LTBP4: variants seen among roughly 807,000 people sequenced by gnomAD.
LTBP4 encodes latent transforming growth factor beta binding protein 4.
Under a neutral mutation model 180.2 loss-of-function variants are expected in LTBP4, and 93 were observed. The observed-to-expected ratio is 0.52, with a 90% CI of 0.44 to 0.61. The LOEUF (loss-of-function observed/expected upper bound fraction) is 0.61, where lower values mean the gene tolerates loss of function less well. Ranked by LOEUF, LTBP4 falls within the 20% of genes least tolerant of loss-of-function variation. The pLI is 0.00. For synonymous variants in LTBP4, 947 were observed against 934.5 expected (o/e 1.01, Z -0.24); for missense variants, 2,116 against 2,256.5 (o/e 0.94, Z 1.26).
intron 1 of LTBP4, among the ~76,000 whole-genome samples, chr19:40,595,763 C>T (rs1227360242): frequency 1.3e-5 from 2 of 152,004 alleles, no homozygotes; most frequent in African/African-American, 2.4e-5. Context: ...CTCTATCGTC[C>T]AGGCTGGAGT....
chr19:40,629,182 A>G lies in LTBP4; in HGVS notation c.4520-214A>G, dbSNP rs113173674. On this transcript the variant is annotated intron_variant, in intron 29 of 29. Coordinates refer to ENST00000396819, the MANE Select transcript of LTBP4 (RefSeq NM_001042545.2). This position sits in a 1 kb window ranked among gnomAD's most constrained non-coding sequence, Gnocchi z 4.5. ...TTTCTTAACAAAATCCTAGTGCGGT[A>G]TGGGCCACCATATCCATCTTACAGA... 0.013 allele frequency among the ~76,000 whole-genome samples: 2,039 copies of G among 152,240 alleles called. 44 individuals carry two copies. Among genetic ancestry groups the G allele is most frequent in the African/African-American group, 0.047 (1,957 of 41,522 alleles).
rs1332576063 is a variant in LTBP4 at position 40,609,231 on chromosome 19, C to T, written c.1427-299C>T. ...ATGGTAGATAATTATTTTTCATTATCTAATATTAGATAATTATTTCTCAGG... is the reference window on the plus strand; with the variant it reads ...ATGGTAGATAATTATTTTTCATTATTTAATATTAGATAATTATTTCTCAGG... On this transcript the variant is annotated intron_variant, in intron 9 of 29. Transcript: ENST00000396819. This position sits in a 1 kb window ranked among gnomAD's most constrained non-coding sequence, Gnocchi z 4.9. Among the ~76,000 whole-genome samples the T allele has an allele frequency of 1.3e-5, 2 of 152,074 alleles. No homozygotes were observed. Among genetic ancestry groups the T allele is most frequent in the East Asian group, 1.9e-4 (1 of 5,192 alleles).
In LTBP4 at chr19:40,610,611, G is replaced by A; in HGVS notation, c.1764G>A (p.Val588=). The change falls in exon 12 of 30, where the codon GTG becomes GTA. Residue 588 remains valine, a synonymous_variant. Coordinates refer to ENST00000396819, the MANE Select transcript of LTBP4 (RefSeq NM_001042545.2). ...CENTPGSFLC[V]CPAGYQAAPH... ...ACACGCCAGGCAGCTTCCTGTGCGT[G>A]TGCCCCGCCGGGTACCAGGCTGCAC... is the stretch of plus-strand genomic sequence containing the variant. 1.3e-6 allele frequency: 2 copies of A among 1,588,348 alleles called. No individual in the cohort carries two copies. The highest frequency in any genetic ancestry group is 1.1e-5 in the South Asian group (1 of 88,748).
chr19:40,597,489 G>A (rs80275946), upstream of LTBP4: 202 of 1,236,170 alleles, frequency 1.6e-4, no homozygotes, highest in East Asian at 4.6e-3. Context: ...TCGATGTGGA[G>A]ATGCAAAGAG....
chr19:40,601,500 C>T lies in LTBP4; in HGVS notation c.113C>T (p.Pro38Leu). Reference sequence around the variant, plus strand: ...GAGCGTCTCCGCGTGCGCTTCACCCCGGTCGTGTGCGGCCTGCGCTGCGTC... The same window carrying T: ...GAGCGTCTCCGCGTGCGCTTCACCCTGGTCGTGTGCGGCCTGCGCTGCGTC... The part of the protein sequence containing the change: ...LGERLRVRFT[P>L]VVCGLRCVHG... The change falls in exon 1 of 30, where the codon CCG becomes CTG. Residue 38 changes from proline (P) to leucine (L), a missense_variant. Pro to Leu is a moderately conservative substitution (Grantham distance 98, BLOSUM62 -3). This residue lies in a region of LTBP4 where 469 missense variants were observed against 532.5 expected (regional missense o/e 0.88). Coordinates refer to ENST00000396819, the MANE Select transcript of LTBP4 (RefSeq NM_001042545.2). 6.7e-7 allele frequency: 1 copy of T among 1,497,628 alleles called. No homozygotes were observed. The highest frequency in any genetic ancestry group is 1.3e-5 in the South Asian group (1 of 79,956). The allele number at this position is 1,497,628 out of a possible 1,614,324, so 92.8% of individuals were successfully genotyped here.
upstream of LTBP4, chr19:40,601,255 C>T (rs1453361724): frequency 5.7e-6 from 4 of 706,858 alleles, no homozygotes; most frequent in South Asian, 2.6e-4. Flanking sequence ...GCGCGGCCGC[C>T]GGGGAGGGAG....
intron 1 of LTBP4, among the ~76,000 whole-genome samples, chr19:40,602,743 G>T (rs1165499117): frequency 2.0e-5 from 3 of 152,190 alleles, no homozygotes; most frequent in Non-Finnish European, 4.4e-5. Context: ...GCTTGGCCAG[G>T]GCTGTGGGGC....
At chr19:40,608,173 T>A in intron 7 of LTBP4, 47 bp from the exon 8 acceptor site, 3 of 1,610,682 alleles carry the variant, frequency 1.9e-6, no homozygotes, top group Non-Finnish European at 1.7e-6. Flanking sequence ...GCCATCGTTT[T>A]CTTCCCGCTC....
rs925147187 is a variant in LTBP4, at chr19:40,609,938, C to A, written c.1684+67C>A. On this transcript the variant is annotated intron_variant, in intron 11 of 29. Coordinates refer to ENST00000396819, the MANE Select transcript of LTBP4 (RefSeq NM_001042545.2). This position sits in a 1 kb window ranked among gnomAD's most constrained non-coding sequence, Gnocchi z 4.9. ...TCTCGCTCCTGCTCTCACTCCAGAG[C>A]CTCTCCAGCCCTCCCACGCTTCCCC... is the stretch of plus-strand genomic sequence containing the variant. 3.1e-5 allele frequency: 45 copies of A among 1,450,466 alleles called. No homozygotes were observed. The Admixed American group carries it at 1.1e-3, about 36-fold the overall frequency. The allele number at this position is 1,450,466 out of a possible 1,614,324, so 89.8% of individuals were successfully genotyped here.
intron 6 of LTBP4, among the ~76,000 whole-genome samples, chr19:40,606,904 T>A (rs1202509703): frequency 6.6e-6 from 1 of 152,174 alleles, no homozygotes; most frequent in East Asian, 1.9e-4. Context: ...GGCACCACCA[T>A]GCCCGGCTAA....
In LTBP4 at chr19:40,622,478, C is replaced by A. The variant is rs371892335; in HGVS notation, c.3295C>A (p.Arg1099Ser). 1 of 1,609,000 alleles carries A rather than the reference C, an allele frequency of 6.2e-7. No homozygotes were observed. The highest frequency in any genetic ancestry group is 1.1e-5 in the South Asian group (1 of 90,616). Residue 1099 changes from arginine to serine, a missense_variant, in exon 23 of 30, where the codon CGC (arginine) becomes AGC (serine). Arg to Ser is a moderately radical substitution (Grantham distance 110, BLOSUM62 -1). Transcript: ENST00000396819. This position sits in a 1 kb window ranked among gnomAD's most constrained non-coding sequence, Gnocchi z 5.1. ...CAGGCCACCTCCGCCACCCCTGCCC[C>A]GCCGACCCAGCACACCTAGGCAGGG... ...PARPPPPPLP[R>S]RPSTPRQGPV...
In LTBP4 at chr19:40,608,310, C is replaced by A; in HGVS notation, c.1247C>A (p.Pro416Gln). Reference protein sequence around the residue: ...RYNTRPLGQEPPRVSLSQPRT... With the variant: ...RYNTRPLGQEQPRVSLSQPRT... ...AACACCAGACCCCTGGGCCAGGAGC[C>A]ACCCCGAGTGTCACTCAGCCAGCCT... Residue 416 changes from proline (P) to glutamine (Q), a missense_variant, in exon 8 of 30, where the codon CCA becomes CAA. Coordinates refer to ENST00000396819, the MANE Select transcript of LTBP4 (RefSeq NM_001042545.2). 4 of 1,613,822 alleles carry A rather than the reference C, an allele frequency of 2.5e-6. No individual in the cohort carries two copies. The highest frequency in any genetic ancestry group is 3.4e-6 in the Non-Finnish European group (4 of 1,179,872).
chr19:40,595,748 T>C (rs1456543874), intron 1 of LTBP4, among the ~76,000 whole-genome samples: 1 of 151,810 alleles, frequency 6.6e-6, no homozygotes, highest in Non-Finnish European at 1.5e-5. Flanking sequence ...TGAGATAGGG[T>C]CTCACTCTAT....
At chr19:40,601,767 GC>G in intron 1 of LTBP4, 130 bp downstream of exon 1, 1 of 766,652 alleles carries the variant, frequency 1.3e-6, no homozygotes, top group Non-Finnish European at 1.8e-6. Flanking sequence ...AATATCAGGG[GC>G]TATTTGAGGA....
chr19:40,617,021 G>A lies in LTBP4; in HGVS notation c.2944+1G>A, dbSNP rs750698494. On this transcript the variant is annotated splice_donor_variant, in intron 20 of 29. Coordinates refer to ENST00000396819, the MANE Select transcript of LTBP4 (RefSeq NM_001042545.2). LOFTEE classifies it high-confidence loss of function. ...CCCACGCCAGGGGGCGGATGCCAGG[G>A]TGGGTGTCCATCAGGCATCGGGTGA... 1.6e-5 allele frequency: 25 copies of A among 1,612,908 alleles called. No homozygotes were observed. Among genetic ancestry groups the A allele is most frequent in the Non-Finnish European group, 2.0e-5 (23 of 1,178,996 alleles).
chr19:40,625,283 TATATATATATATATATATATATATATATA>T lies in LTBP4; in HGVS notation c.3833-573_3833-545del, dbSNP rs1485821323. Among the ~76,000 whole-genome samples the T allele has an allele frequency of 1.3e-3, 11 of 8,708 alleles. 1 individual carries two copies. Among genetic ancestry groups the T allele is most frequent in the African/African-American group, 2.6e-3 (2 of 758 alleles). The allele number at this position is 8,708 out of a possible 152,430, so 5.7% of individuals were successfully genotyped here. ...ATATATATATATATATATATATATA[TATATATATATATATATATATATATATATA>T]TATATTTTTTTTTTTAAAGATGGGT... On this transcript the variant is annotated intron_variant, in intron 26 of 29. Coordinates refer to ENST00000396819, the MANE Select transcript of LTBP4 (RefSeq NM_001042545.2).
In LTBP4 at chr19:40,623,027, G is replaced by A. The variant is rs2081597586; in HGVS notation, c.3556+6G>A. 1.9e-6 allele frequency: 3 copies of A among 1,604,092 alleles called. No homozygotes were observed. Among genetic ancestry groups the A allele is most frequent in the Non-Finnish European group, 2.6e-6 (3 of 1,175,626 alleles). ...AGACCTGAGCCTCCGGAGAGGTGAG[G>A]CCAGCCTTTGACCCTCCACCCCACT... On this transcript the variant is annotated splice_donor_region_variant and intron_variant, in intron 24 of 29. Coordinates refer to ENST00000396819, the MANE Select transcript of LTBP4 (RefSeq NM_001042545.2).
chr19:40,610,571 T>A lies in LTBP4; in HGVS notation c.1724T>A (p.Leu575His). ...ECHRVPPPCDLGRCENTPGSF... is the reference protein window; with the variant it reads ...ECHRVPPPCDHGRCENTPGSF... ...CACCGCGTGCCGCCGCCGTGTGACC[T>A]CGGGCGCTGCGAGAACACGCCAGGC... The change falls in exon 12 of 30, where the codon CTC becomes CAC. Residue 575 changes from leucine (L) to histidine (H), a missense_variant. This residue lies in a region of LTBP4 where 877 missense variants were observed against 873.6 expected (regional missense o/e 1.00). Coordinates refer to ENST00000396819, the MANE Select transcript of LTBP4 (RefSeq NM_001042545.2). The A allele has an allele frequency of 6.3e-7, 1 of 1,587,288 alleles. No homozygotes were observed. The highest frequency in any genetic ancestry group is 1.1e-5 in the South Asian group (1 of 88,516).
At position 40,614,455 on chromosome 19, in the gene LTBP4, G is replaced by A; in HGVS notation, c.2812+9G>A. On this transcript the variant is annotated intron_variant, in intron 19 of 29. Coordinates refer to ENST00000396819, the MANE Select transcript of LTBP4 (RefSeq NM_001042545.2). The stretch of plus-strand genomic sequence containing the variant: ...CGAGGGCACCTGTGACGGTGAGCCT[G>A]CCCCCACCCGCCTTCGCTAGCGCTT... 3 of 1,596,504 alleles carry A rather than the reference G, an allele frequency of 1.9e-6. No homozygotes were observed. The highest frequency in any genetic ancestry group is 2.5e-6 in the Non-Finnish European group (3 of 1,178,778).
Sources: allele counts gnomAD v4.1 joint callset (sites outside exome capture counted in the v4.1 genomes callset), GRCh38; gene constraint gnomAD v4.1.1; regional missense constraint gnomAD v4.1.1; non-coding constraint Gnocchi (gnomAD v3.1); transcripts MANE v1.5; gene names NCBI Gene and HGNC (gene_info 2026-07-23, HGNC 2026-07-21).